RETREG1: variants seen among roughly 807,000 people sequenced by gnomAD.
RETREG1 encodes the protein family with sequence similarity 134 member B.
A neutral mutation model predicts 54.8 loss-of-function variants in RETREG1; 44 were observed. That is an observed-to-expected ratio of 0.80 (90% CI 0.63 to 1.03). RETREG1 has a LOEUF of 1.03. RETREG1 is among the 50% of genes least tolerant of loss of function. The pLI, the probability that RETREG1 is intolerant of heterozygous loss-of-function variation, is 0.00. For missense variants in RETREG1, 554 were observed against 605.1 expected (o/e 0.92, Z 0.89); for synonymous variants, 217 against 238.5 (o/e 0.91, Z 0.83).
intron 3 of RETREG1, among the ~76,000 whole-genome samples, chr5:16,525,519 G>C (rs191114277): frequency 6.6e-6 from 1 of 152,186 alleles, no homozygotes; most frequent in Non-Finnish European, 1.5e-5. Flanking sequence ...CACCAGCAAG[G>C]CTCCTCTTGA....
At chr5:16,544,041 T>A (rs1037409369) in intron 3 of RETREG1, among the ~76,000 whole-genome samples, 1 of 144,376 alleles carries the variant, frequency 6.9e-6, no homozygotes, top group Non-Finnish European at 1.5e-5. Context: ...AGTGGCTCCA[T>A]CTTGGCTCAC....
At chr5:16,536,294 C>T (rs188734691) in intron 3 of RETREG1, among the ~76,000 whole-genome samples, 1 of 152,276 alleles carries the variant, frequency 6.6e-6, no homozygotes, top group African/African-American at 2.4e-5. Flanking sequence ...CTAGAGGTGG[C>T]CTTGAAAGCA....
At chr5:16,606,391 G>A (rs1455977382) in intron 1 of RETREG1, among the ~76,000 whole-genome samples, 4 of 152,052 alleles carry the variant, frequency 2.6e-5, no homozygotes, top group East Asian at 1.9e-4. Context: ...AATTTCACAC[G>A]TTCCCAAGGC....
chr5:16,572,773 GCTCT>G (rs367751954), intron 1 of RETREG1, among the ~76,000 whole-genome samples: 1 of 152,082 alleles, frequency 6.6e-6, no homozygotes, highest in African/African-American at 2.4e-5. Flanking sequence ...AAGCTGCAGG[GCTCT>G]CTAACAGACA....
rs1326167901 is a variant in RETREG1 at position 16,616,874 on chromosome 5, G to A, written c.98C>T (p.Ser33Phe). ...APPSPPPPQASPAERQQQEEE... is the reference protein window; with the variant it reads ...APPSPPPPQAFPAERQQQEEE... ...CTCCTGCTGCTGCCGCTCTGCGGGG[G>A]ATGCCTGGGGCGGTGGCGGCGACGG... Residue 33 changes from serine to phenylalanine, a missense_variant, in exon 1 of 9, where the codon TCC (serine) becomes TTC (phenylalanine). Ser to Phe is a radical substitution (Grantham distance 155, BLOSUM62 -2). Transcript: ENST00000306320. The A allele has an allele frequency of 8.0e-6, 12 of 1,496,054 alleles. No homozygotes were observed. Among genetic ancestry groups the A allele is most frequent in the Non-Finnish European group, 9.7e-6 (11 of 1,130,454 alleles). 92.7% of individuals were successfully genotyped at this position (1,496,054 alleles called of 1,614,324 possible). A position where few individuals can be genotyped will look rare whatever the true frequency, so the allele number is the denominator to read the frequency against.
chr5:16,576,388 G>A (rs566932141), intron 1 of RETREG1, among the ~76,000 whole-genome samples: 1 of 151,472 alleles, frequency 6.6e-6, no homozygotes, highest in African/African-American at 2.4e-5. Context: ...CACCTCCTGG[G>A]TTCAAGCAAT....
At chr5:16,609,272 C>G (rs1272765754) in intron 1 of RETREG1, among the ~76,000 whole-genome samples, 1 of 152,138 alleles carries the variant, frequency 6.6e-6, no homozygotes, top group African/African-American at 2.4e-5. Flanking sequence ...ACAACACATG[C>G]CTCACTGGGT....
At chr5:16,490,165 G>A (rs1026470714) in intron 3 of RETREG1, among the ~76,000 whole-genome samples, 3 of 151,974 alleles carry the variant, frequency 2.0e-5, no homozygotes, top group Non-Finnish European at 4.4e-5. Flanking sequence ...TGAGTTCTTG[G>A]GTCCTGTTGG....
chr5:16,558,804 CAT>C (rs1741778021), intron 3 of RETREG1, among the ~76,000 whole-genome samples: 1 of 152,222 alleles, frequency 6.6e-6, no homozygotes, highest in Non-Finnish European at 1.5e-5. Flanking sequence ...ATCAGGTAAA[CAT>C]TTAATGCTTT....
intron 2 of RETREG1, among the ~76,000 whole-genome samples, chr5:16,570,150 A>G (rs993149369): frequency 6.6e-6 from 1 of 152,258 alleles, no homozygotes; most frequent in Non-Finnish European, 1.5e-5. Context: ...GCAGTCTATC[A>G]TGGGGCTTCT....
At chr5:16,563,583 G>A (rs1016146731) in intron 3 of RETREG1, among the ~76,000 whole-genome samples, 1 of 152,080 alleles carries the variant, frequency 6.6e-6, no homozygotes, top group Non-Finnish European at 1.5e-5. Context: ...AACAAACATG[G>A]AGCTGGCAAA....
At chr5:16,573,338 T>C (rs1355254857) in intron 1 of RETREG1, among the ~76,000 whole-genome samples, 1 of 152,120 alleles carries the variant, frequency 6.6e-6, no homozygotes, top group Non-Finnish European at 1.5e-5. Flanking sequence ...ACACAAACCC[T>C]GCAGTGCTTT....
At chr5:16,611,493 G>A (rs757316438) in intron 1 of RETREG1, among the ~76,000 whole-genome samples, 5 of 152,152 alleles carry the variant, frequency 3.3e-5, no homozygotes, top group Admixed American at 6.5e-5. Flanking sequence ...TCAATACAGC[G>A]ATCAGCAAGA....
At chr5:16,520,684 A>G (rs1740507795) in intron 3 of RETREG1, among the ~76,000 whole-genome samples, 1 of 152,176 alleles carries the variant, frequency 6.6e-6, no homozygotes, top group African/African-American at 2.4e-5. Context: ...TGCAAATGTA[A>G]TTGTGGTTTT....
intron 3 of RETREG1, among the ~76,000 whole-genome samples, chr5:16,520,872 G>A (rs1740513575): frequency 1.3e-5 from 2 of 152,122 alleles, no homozygotes. Flanking sequence ...AGGAGCAGGA[G>A]GTGGCAGGGA....
At chr5:16,544,507 T>G (rs1741337510) in intron 3 of RETREG1, among the ~76,000 whole-genome samples, 1 of 152,234 alleles carries the variant, frequency 6.6e-6, no homozygotes, top group South Asian at 2.1e-4. Context: ...CCTGGGGTTA[T>G]GAAGACTTTC....
intron 7 of RETREG1, 69 bp from the exon 8 acceptor site, chr5:16,477,857 T>C (rs2126511172): frequency 6.3e-7 from 1 of 1,575,102 alleles, no homozygotes; most frequent in Non-Finnish European, 8.7e-7. Flanking sequence ...GAAAAATCCA[T>C]ATGAACCCCC....
chr5:16,562,257 G>C lies in RETREG1; in HGVS notation c.458+3506C>G, dbSNP rs111621555. 6.5e-3 allele frequency among the ~76,000 whole-genome samples: 988 copies of C among 152,348 alleles called. 7 individuals are homozygous for C. Among genetic ancestry groups the C allele is most frequent in the African/African-American group, 0.023 (942 of 41,598 alleles). ...TTGAACCCAGGAGGCGGAGGTTGCA[G>C]TGAGCTGAGATCGCGCCATTGCACT... On this transcript the variant is annotated intron_variant, in intron 3 of 8. Transcript: ENST00000306320.
intron 1 of RETREG1, among the ~76,000 whole-genome samples, chr5:16,608,902 C>A (rs1743266669): frequency 6.6e-6 from 1 of 152,134 alleles, no homozygotes; most frequent in Admixed American, 6.5e-5. Context: ...AAAAAGTAAG[C>A]CCTAATAGTC....
Sources: allele counts gnomAD v4.1 joint callset (sites outside exome capture counted in the v4.1 genomes callset), GRCh38; gene constraint gnomAD v4.1.1; transcripts MANE v1.5; gene names NCBI Gene and HGNC (gene_info 2026-07-23, HGNC 2026-07-21).